The following SIL1 variants were observed in gnomAD, a reference collection of about 807,000 sequenced individuals.
The protein encoded by SIL1 is SIL1 nucleotide exchange factor, also known as nucleotide exchange factor SIL1.
SIL1 carries 40 observed loss-of-function variants against 49.1 expected under a neutral mutation model. The observed-to-expected ratio is 0.81, with a 90% CI of 0.63 to 1.06. The LOEUF is 1.06. Ranked by LOEUF, SIL1 falls within the 50% of genes least tolerant of loss-of-function variation. The probability of loss-of-function intolerance (pLI) is 0.00; values close to 1 mark genes in which losing one functional copy is unlikely to be tolerated. For missense variants in SIL1, 500 were observed against 572.6 expected, an observed-to-expected ratio of 0.87 and a Z score of 1.29; for synonymous variants, 253 against 250.8, an observed-to-expected ratio of 1.01 and a Z score of -0.08.
intron 1 of SIL1, among the ~76,000 whole-genome samples, chr5:139,134,600 A>G (rs1165203894): frequency 1.3e-5 from 2 of 152,142 alleles, no homozygotes; most frequent in South Asian, 4.1e-4. Flanking sequence ...TTGGGTAGCT[A>G]CTCCCAGGAG....
At chr5:139,180,157 C>T (rs1474870081) in intron 1 of SIL1, among the ~76,000 whole-genome samples, 2 of 150,756 alleles carry the variant, frequency 1.3e-5, no homozygotes, top group Non-Finnish European at 3.0e-5. Context: ...TGAGGCCAGG[C>T]GTTCGAGACC....
intron 2 of SIL1, among the ~76,000 whole-genome samples, chr5:139,124,469 C>A (rs969794860): frequency 2.0e-5 from 3 of 152,152 alleles, no homozygotes; most frequent in African/African-American, 7.2e-5. Flanking sequence ...TTAAAGTACA[C>A]CTCAGTTTTT....
At chr5:138,966,360 C>G (rs1010581367) in intron 7 of SIL1, among the ~76,000 whole-genome samples, 1 of 152,130 alleles carries the variant, frequency 6.6e-6, no homozygotes, top group Non-Finnish European at 1.5e-5. Context: ...GTGGACCACC[C>G]GGCCGCCTTG....
chr5:139,090,881 T>C (rs1435516440), intron 3 of SIL1, among the ~76,000 whole-genome samples: 1 of 152,124 alleles, frequency 6.6e-6, no homozygotes, highest in Middle Eastern at 3.2e-3. Flanking sequence ...GCCGGGATTG[T>C]AACAGGAGTG....
chr5:139,169,915 G>A (rs1237874189), intron 1 of SIL1, among the ~76,000 whole-genome samples: 2 of 120,318 alleles, frequency 1.7e-5, no homozygotes, highest in Non-Finnish European at 4.0e-5. Context: ...CTCTGATGCC[G>A]AGCCGAAGCT....
chr5:139,021,070 A>C (rs1768514669), intron 7 of SIL1, 101 bp downstream of exon 7: 1 of 1,525,070 alleles, frequency 6.6e-7, no homozygotes, highest in South Asian at 1.1e-5. Context: ...TTGAGATGAC[A>C]CTGAAATGTC....
chr5:138,984,737 C>T (rs1193031394), intron 7 of SIL1, among the ~76,000 whole-genome samples: 1 of 152,110 alleles, frequency 6.6e-6, no homozygotes, highest in Non-Finnish European at 1.5e-5. Flanking sequence ...CCCTACCATC[C>T]CCTTATACCC....
intron 3 of SIL1, among the ~76,000 whole-genome samples, chr5:139,075,704 G>C (rs542395131): frequency 6.6e-6 from 1 of 152,268 alleles, no homozygotes; most frequent in African/African-American, 2.4e-5. Context: ...TGTGGGAGAT[G>C]GTGATTCTGT....
At chr5:139,065,088 G>C (rs977394879) in intron 3 of SIL1, among the ~76,000 whole-genome samples, 3 of 152,208 alleles carry the variant, frequency 2.0e-5, no homozygotes, top group Non-Finnish European at 4.4e-5. Context: ...TTCTGCAGAG[G>C]AAAGAAGAGT....
chr5:138,965,532 G>A (rs1767118968), intron 7 of SIL1, among the ~76,000 whole-genome samples: 2 of 151,994 alleles, frequency 1.3e-5, no homozygotes, highest in South Asian at 4.2e-4. Context: ...TGGGACAAGA[G>A]GCATAAACAG....
Position 139,155,472 on chromosome 5 carries a change from A to AGAGAGAGAGAGAGC in SIL1, c.-10-27620_-10-27619insGCTCTCTCTCTCTC, listed in dbSNP as rs1373705198. Reference sequence around the variant, plus strand: ...GTGAGAGAGAGAGAGAGAGAGAGAGAGAGAGAACGAGCTCTCGAGCTCTCT... The same window carrying AGAGAGAGAGAGAGC: ...GTGAGAGAGAGAGAGAGAGAGAGAGAGAGAGAGAGAGAGCGAGAGAACGAGCTCTCGAGCTCTCT... On this transcript the variant is annotated intron_variant, in intron 1 of 9. Coordinates refer to ENST00000394817, the MANE Select transcript of SIL1 (RefSeq NM_022464.5). 11 of 152,158 alleles carry AGAGAGAGAGAGAGC rather than the reference A, an allele frequency of 7.2e-5. No individual in the cohort carries two copies. The South Asian group carries it at 1.3e-3, about 17-fold the overall frequency. 9.4% of individuals were successfully genotyped at this position (152,158 alleles called of 1,614,324 possible).
chr5:138,996,487 TGTTG>T (rs2047200702), intron 7 of SIL1, among the ~76,000 whole-genome samples: 1 of 151,956 alleles, frequency 6.6e-6, no homozygotes, highest in South Asian at 2.1e-4. Context: ...CTCTCCACTT[TGTTG>T]GTTGTTTTCT....
intron 6 of SIL1, chr5:139,021,752 C>G (rs1409159018): frequency 1.4e-5 from 3 of 208,556 alleles, no homozygotes; most frequent in Non-Finnish European, 2.9e-5. Context: ...ATAAAAGGAG[C>G]CCTGTTATTG....
intron 7 of SIL1, among the ~76,000 whole-genome samples, chr5:139,019,665 T>C (rs1768473777): frequency 6.6e-6 from 1 of 152,178 alleles, no homozygotes; most frequent in Non-Finnish European, 1.5e-5. Context: ...CCAACGCATG[T>C]TTCTCAAGTC....
chr5:139,091,249 A>G (rs1770335938), intron 3 of SIL1, among the ~76,000 whole-genome samples: 1 of 152,172 alleles, frequency 6.6e-6, no homozygotes, highest in Non-Finnish European at 1.5e-5. Context: ...ATAAAAATGC[A>G]TGGAAAAATA....
rs146252496 is a variant in SIL1 at position 139,096,027 on chromosome 5, C to T, written c.244+25008G>A. ...CACAGTGCCTCTTTTAACTCTGTGT[C>T]GCTGAAAGACGCACTGAAGAGATAG... is the stretch of plus-strand genomic sequence containing the variant. On this transcript the variant is annotated intron_variant, in intron 3 of 9. Transcript: ENST00000394817. Among the ~76,000 whole-genome samples, 4 of 152,190 alleles carry T rather than the reference C, an allele frequency of 2.6e-5. No homozygotes were observed. In the East Asian group the frequency reaches 5.8e-4, roughly 22 times the overall value.
In SIL1 at chr5:139,012,636, T is replaced by C. The variant is rs1456077948; in HGVS notation, c.767+8535A>G. 4 of 152,246 alleles carry C rather than the reference T, an allele frequency of 2.6e-5. No individual in the cohort carries two copies. In the East Asian group the frequency reaches 7.7e-4, roughly 29 times the overall value. The allele number at this position is 152,246 out of a possible 1,614,324, so 9.4% of individuals were successfully genotyped here. Reference sequence around the variant, plus strand: ...CAATTATGTCATGATTTTTTCTTTTTTCTTTTTTTGCAGATTGCTGATTTG... The same window carrying C: ...CAATTATGTCATGATTTTTTCTTTTCTCTTTTTTTGCAGATTGCTGATTTG... On this transcript the variant is annotated intron_variant, in intron 7 of 9. Transcript: ENST00000394817.
intron 3 of SIL1, among the ~76,000 whole-genome samples, chr5:139,100,154 A>T (rs1770555642): frequency 2.0e-5 from 3 of 152,216 alleles, no homozygotes; most frequent in African/African-American, 2.4e-5. Context: ...ACTCATGTAC[A>T]TTTATTTTAT....
At chr5:139,028,324 C>A (rs1768708121) in intron 5 of SIL1, among the ~76,000 whole-genome samples, 1 of 150,300 alleles carries the variant, frequency 6.7e-6, no homozygotes, top group Admixed American at 6.6e-5. Flanking sequence ...ATGGTGAAAC[C>A]CCATCTCTAC....
Sources: allele counts gnomAD v4.1 joint callset (sites outside exome capture counted in the v4.1 genomes callset), GRCh38; gene constraint gnomAD v4.1.1; transcripts MANE v1.5; gene names NCBI Gene and HGNC (gene_info 2026-07-23, HGNC 2026-07-21).